Variants in ADARB2 observed in about 807,000 individuals in gnomAD.
The protein encoded by ADARB2 is inactive double-stranded RNA-specific editase B2.
A neutral mutation model predicts 62.2 loss-of-function variants in ADARB2; 25 were observed. The ratio of observed to expected loss-of-function variants is 0.40; its 90% CI spans 0.29 to 0.56. The LOEUF (loss-of-function observed/expected upper bound fraction) is 0.56. ADARB2 is among the 20% of genes least tolerant of loss of function. The pLI is 0.43. For synonymous variants in ADARB2, 572 were observed against 500.8 expected, an observed-to-expected ratio of 1.14 and a Z score of -1.90; for missense variants, 1,071 against 1,077.4, an observed-to-expected ratio of 0.99 and a Z score of 0.08.
At chr10:1,673,019 G>A (rs1485453157) in intron 1 of ADARB2, among the ~76,000 whole-genome samples, 5 of 152,160 alleles carry the variant, frequency 3.3e-5, no homozygotes, top group Non-Finnish European at 5.9e-5. Flanking sequence ...GGACCAGGGG[G>A]ATGAACTGAG....
intron 1 of ADARB2, among the ~76,000 whole-genome samples, chr10:1,594,146 C>T (rs927222263): frequency 1.3e-5 from 2 of 152,084 alleles, no homozygotes; most frequent in Non-Finnish European, 2.9e-5. Flanking sequence ...AAAAATTAGC[C>T]AGGCATGGTG....
chr10:1,492,194 G>C (rs1046810047), intron 1 of ADARB2, among the ~76,000 whole-genome samples: 3 of 152,170 alleles, frequency 2.0e-5, no homozygotes, highest in Non-Finnish European at 4.4e-5. Context: ...ACTAAGTAAT[G>C]GGATGAGAAT....
intron 3 of ADARB2, among the ~76,000 whole-genome samples, chr10:1,308,969 A>C (rs943297635): frequency 6.6e-6 from 1 of 152,194 alleles, no homozygotes; most frequent in Admixed American, 6.5e-5. Context: ...ATTCCATCAG[A>C]TTCCTAAGAT....
At chr10:1,259,812 C>T (rs1428775503) in intron 4 of ADARB2, among the ~76,000 whole-genome samples, 4 of 152,200 alleles carry the variant, frequency 2.6e-5, no homozygotes, top group Non-Finnish European at 5.9e-5. Context: ...AGGCCAGCAT[C>T]ATCCTGATAC....
At chr10:1,652,088 T>C (rs968668829) in intron 1 of ADARB2, among the ~76,000 whole-genome samples, 4 of 152,206 alleles carry the variant, frequency 2.6e-5, no homozygotes, top group Non-Finnish European at 4.4e-5. Context: ...GTAATTTGGG[T>C]GAACTCTGAT....
At chr10:1,232,044 G>T (rs1384042869) in intron 6 of ADARB2, among the ~76,000 whole-genome samples, 1 of 152,138 alleles carries the variant, frequency 6.6e-6, no homozygotes, top group Non-Finnish European at 1.5e-5. Flanking sequence ...GGAGAGTCAG[G>T]CCAAAGCCAA....
At chr10:1,461,872 T>A (rs889921857) in intron 1 of ADARB2, among the ~76,000 whole-genome samples, 7 of 152,036 alleles carry the variant, frequency 4.6e-5, no homozygotes, top group Non-Finnish European at 7.4e-5. Context: ...CGTGGTGGCA[T>A]GCACCTGTGA....
chr10:1,642,846 G>A (rs1833995961), intron 1 of ADARB2, among the ~76,000 whole-genome samples: 1 of 152,122 alleles, frequency 6.6e-6, no homozygotes. Context: ...TCGCCCCTTG[G>A]CTGTGAACTG....
chr10:1,638,214 T>C (rs1833937753), intron 1 of ADARB2, among the ~76,000 whole-genome samples: 1 of 152,206 alleles, frequency 6.6e-6, no homozygotes, highest in African/African-American at 2.4e-5. Flanking sequence ...GATATTACAC[T>C]TCAATATATG....
At chr10:1,427,996 A>T (rs1474182258) in intron 1 of ADARB2, among the ~76,000 whole-genome samples, 1 of 150,846 alleles carries the variant, frequency 6.6e-6, no homozygotes, top group Non-Finnish European at 1.5e-5. Context: ...ACAGAGTCTC[A>T]TTCTGTCACC....
At chr10:1,369,658 C>T (rs1018407931) in intron 2 of ADARB2, among the ~76,000 whole-genome samples, 5 of 151,938 alleles carry the variant, frequency 3.3e-5, no homozygotes, top group African/African-American at 1.2e-4. Context: ...CAATAAAATA[C>T]ATTTTAAAAA....
chr10:1,477,391 C>T lies in ADARB2; in HGVS notation c.101-98231G>A, dbSNP rs1301653687. ...CCCCAGCAGCATGACCTTATCTGCCCATGGCCCCCTCCAGCATGACCCTAT... is the reference window on the plus strand; with the variant it reads ...CCCCAGCAGCATGACCTTATCTGCCTATGGCCCCCTCCAGCATGACCCTAT... On this transcript the variant is annotated intron_variant, in intron 1 of 9. Transcript: ENST00000381312. The surrounding 1 kb of genome is among the most constrained non-coding windows in gnomAD (Gnocchi z 4.5). Among the ~76,000 whole-genome samples the T allele has an allele frequency of 1.3e-5, 2 of 152,196 alleles. No homozygotes were observed. Among genetic ancestry groups the T allele is most frequent in the Non-Finnish European group, 2.9e-5 (2 of 68,040 alleles).
chr10:1,578,622 C>T (rs1588309852), intron 1 of ADARB2, among the ~76,000 whole-genome samples: 1 of 151,950 alleles, frequency 6.6e-6, no homozygotes, highest in South Asian at 2.1e-4. Context: ...GGCTGAACCA[C>T]TGTTCTCCAT....
chr10:1,516,453 T>G (rs1382020249), intron 1 of ADARB2, among the ~76,000 whole-genome samples: 1 of 152,128 alleles, frequency 6.6e-6, no homozygotes, highest in African/African-American at 2.4e-5. Flanking sequence ...AAATGTCTGC[T>G]TGTTCACCTG....
intron 1 of ADARB2, chr10:1,534,763 C>T (rs1008570628): frequency 6.0e-6 from 1 of 166,844 alleles, no homozygotes; most frequent in African/African-American, 2.4e-5. Flanking sequence ...ATGAAGTCAT[C>T]TGTGAAACCA....
At chr10:1,708,588 T>A (rs1352652916) in intron 1 of ADARB2, among the ~76,000 whole-genome samples, 1 of 152,110 alleles carries the variant, frequency 6.6e-6, no homozygotes, top group Admixed American at 6.6e-5. Flanking sequence ...AGAAGAATGT[T>A]CAAGGAGAGG....
At chr10:1,249,105 T>C (rs188834828) in intron 4 of ADARB2, among the ~76,000 whole-genome samples, 193 of 152,320 alleles carry the variant, frequency 1.3e-3, no homozygotes, top group African/African-American at 4.5e-3. Context: ...AGTACGTCCC[T>C]GCAACATGGG....
At chr10:1,730,653 C>T (rs1157068664) in intron 1 of ADARB2, among the ~76,000 whole-genome samples, 4 of 144,680 alleles carry the variant, frequency 2.8e-5, no homozygotes, top group South Asian at 2.3e-4. Context: ...AACTTAAGCA[C>T]ACATGTTACT....
At chr10:1,233,160 CAG>C (rs1195823660) in intron 6 of ADARB2, among the ~76,000 whole-genome samples, 1 of 152,126 alleles carries the variant, frequency 6.6e-6, no homozygotes, top group Non-Finnish European at 1.5e-5. Flanking sequence ...ATGGAGAGGA[CAG>C]AGGGGCAGGG....
Sources: gnomAD v4.1 joint callset for allele counts (sites outside exome capture counted in the v4.1 genomes callset) on GRCh38, gnomAD v4.1.1 for gene constraint, Gnocchi (gnomAD v3.1) non-coding constraint, MANE v1.5 for transcripts, NCBI Gene and HGNC (gene_info 2026-07-23, HGNC 2026-07-21) for gene names.